NMT2: variants seen among roughly 807,000 people sequenced by gnomAD.
NMT2 encodes the protein N-myristoyltransferase 2.
A neutral mutation model predicts 65.4 loss-of-function variants in NMT2; 35 were observed. The observed-to-expected ratio is 0.54, with a 90% CI of 0.41 to 0.71. The LOEUF is 0.71. Among genes scored for constraint, NMT2 ranks in the 30% least tolerant of loss-of-function variants. The pLI is 0.00. For synonymous variants in NMT2, 226 were observed against 231.8 expected (o/e 0.98, Z 0.23); for missense variants, 489 against 611.3 (o/e 0.80, Z 2.11).
chr10:15,148,630 G>A, intron 1 of NMT2, among the ~76,000 whole-genome samples: 1 of 152,200 alleles, frequency 6.6e-6, no homozygotes, highest in East Asian at 1.9e-4. Context: ...TATTATGATT[G>A]TACTGCTTTA....
chr10:15,118,431 C>T (rs1355749462), intron 9 of NMT2, among the ~76,000 whole-genome samples: 4 of 152,058 alleles, frequency 2.6e-5, no homozygotes, highest in Admixed American at 1.3e-4. Flanking sequence ...CCCAGCTACT[C>T]GGGAGGCGGA....
chr10:15,168,554 T>C lies in NMT2; in HGVS notation c.59A>G (p.Asp20Gly). The part of the protein sequence containing the change: ...SQQSLELDDQ[D>G]TCGIDGDNEE... The stretch of plus-strand genomic sequence containing the variant: ...ATTGTCCCCGTCTATCCCGCACGTG[T>C]CCTGGTCGTCCAGTTCCAGGCTCTG... The change falls in exon 1 of 12, where the codon GAC becomes GGC. Residue 20 changes from aspartate to glycine, a missense_variant. Transcript: ENST00000378165. 1 of 1,594,384 alleles carries C rather than the reference T, an allele frequency of 6.3e-7. No homozygotes were observed. The highest frequency in any genetic ancestry group is 8.5e-7 in the Non-Finnish European group (1 of 1,172,960).
At chr10:15,113,041 C>A in intron 9 of NMT2, 78 bp from the exon 10 acceptor site, 1 of 1,423,646 alleles carries the variant, frequency 7.0e-7, no homozygotes, top group Non-Finnish European at 9.8e-7. Flanking sequence ...TCTGTTCTCT[C>A]CCTTGCCCCA....
At chr10:15,120,698 G>C (rs997096748) in intron 8 of NMT2, among the ~76,000 whole-genome samples, 1 of 152,132 alleles carries the variant, frequency 6.6e-6, no homozygotes, top group East Asian at 1.9e-4. Context: ...TGGTGATTTT[G>C]TTCTCTTGAA....
At chr10:15,151,924 G>A (rs1212363787) in intron 1 of NMT2, among the ~76,000 whole-genome samples, 1 of 152,246 alleles carries the variant, frequency 6.6e-6, no homozygotes. Flanking sequence ...TACTCGGGAG[G>A]CTGAGGCAGG....
chr10:15,168,538 G>C lies in NMT2; in HGVS notation c.75C>G (p.Asp25Glu). 6.3e-7 allele frequency: 1 copy of C among 1,593,244 alleles called. No homozygotes were observed. The highest frequency in any genetic ancestry group is 8.5e-7 in the Non-Finnish European group (1 of 1,172,228). The change falls in exon 1 of 12, where the codon GAC (aspartate) becomes GAG (glutamate). Residue 25 changes from aspartate (D) to glutamate (E), a missense_variant. By Grantham distance (45) the Asp-to-Glu change is conservative (BLOSUM62 2). Coordinates refer to ENST00000378165, the MANE Select transcript of NMT2 (RefSeq NM_004808.3). ...GCTCCGTCTCCTCCTCATTGTCCCC[G>C]TCTATCCCGCACGTGTCCTGGTCGT... ...ELDDQDTCGI[D>E]GDNEEETEHA... is the part of the protein sequence containing the mutation.
chr10:15,117,219 T>G (rs72776103), intron 9 of NMT2, among the ~76,000 whole-genome samples: 1 of 152,202 alleles, frequency 6.6e-6, no homozygotes, highest in African/African-American at 2.4e-5. Context: ...GGATATTTTC[T>G]AGGAATGTAA....
chr10:15,135,602 G>GT (rs1195316509), intron 2 of NMT2, among the ~76,000 whole-genome samples, 184 bp from the exon 3 acceptor site: 1 of 152,160 alleles, frequency 6.6e-6, no homozygotes, highest in East Asian at 1.9e-4. Flanking sequence ...TCTGTTAAAG[G>GT]TAACAACAGT....
intron 1 of NMT2, among the ~76,000 whole-genome samples, chr10:15,154,109 G>T (rs774894640): frequency 6.6e-6 from 1 of 152,204 alleles, no homozygotes; most frequent in Non-Finnish European, 1.5e-5. Context: ...AGCAGGGCTG[G>T]CTCCCTCTGT....
intron 2 of NMT2, among the ~76,000 whole-genome samples, chr10:15,140,763 G>A (rs1846724675): frequency 6.6e-6 from 1 of 152,136 alleles, no homozygotes; most frequent in South Asian, 2.1e-4. Context: ...GGGTGCCTGG[G>A]GGTTGGCTCC....
At chr10:15,145,900 C>G (rs1213970620) in intron 1 of NMT2, among the ~76,000 whole-genome samples, 1 of 152,074 alleles carries the variant, frequency 6.6e-6, no homozygotes, top group Non-Finnish European at 1.5e-5. Flanking sequence ...TGCCCCCGTG[C>G]CTGGGTGGGA....
chr10:15,109,462 T>C (rs1244091618), intron 11 of NMT2, among the ~76,000 whole-genome samples: 2 of 152,224 alleles, frequency 1.3e-5, no homozygotes, highest in African/African-American at 4.8e-5. Context: ...TCCCAGCTAC[T>C]CGGGAGGCTG....
chr10:15,156,827 C>T (rs1052961196), intron 1 of NMT2, among the ~76,000 whole-genome samples: 4 of 151,514 alleles, frequency 2.6e-5, no homozygotes, highest in Admixed American at 6.6e-5. Context: ...ACCCGGGAGG[C>T]GGAGGTTGCA....
intron 1 of NMT2, among the ~76,000 whole-genome samples, chr10:15,163,097 G>A (rs770528362): frequency 1.1e-4 from 17 of 151,836 alleles, no homozygotes; most frequent in Non-Finnish European, 2.4e-4. Flanking sequence ...TTATTTCATC[G>A]AGATAGGGTC....
At chr10:15,124,679 A>G (rs1218228470) in intron 8 of NMT2, among the ~76,000 whole-genome samples, 5 of 152,206 alleles carry the variant, frequency 3.3e-5, no homozygotes, top group African/African-American at 1.2e-4. Flanking sequence ...GACTGCTAGC[A>G]GTGGTATCAC....
intron 1 of NMT2, among the ~76,000 whole-genome samples, chr10:15,142,421 G>C (rs56154448): frequency 0.033 from 5,088 of 152,258 alleles, 137 homozygotes; most frequent in African/African-American, 0.072. Flanking sequence ...AATTAGCCAG[G>C]TACAGTGGCA....
intron 1 of NMT2, among the ~76,000 whole-genome samples, chr10:15,154,172 C>G (rs554945393): frequency 5.3e-4 from 80 of 152,226 alleles, no homozygotes; most frequent in Non-Finnish European, 1.0e-3. Context: ...TGTGGGATGA[C>G]TTCCTACCAC....
chr10:15,106,013 G>C lies in NMT2; in HGVS notation c.*3182C>G, dbSNP rs148284021. On this transcript the variant is annotated 3_prime_UTR_variant, in exon 12 of 12. Coordinates refer to ENST00000378165, the MANE Select transcript of NMT2 (RefSeq NM_004808.3). The stretch of plus-strand genomic sequence containing the variant: ...TGCTGCAGTTATTTATTTTACTTTC[G>C]AGATAGAGTCTCACTCTGTTGCCCA... 1 of 416,862 alleles carries C rather than the reference G, an allele frequency of 2.4e-6. No individual in the cohort carries two copies. Among genetic ancestry groups the C allele is most frequent in the Non-Finnish European group, 4.7e-6 (1 of 211,950 alleles). 25.8% of individuals were successfully genotyped at this position (416,862 alleles called of 1,614,324 possible). A position where few individuals can be genotyped will look rare whatever the true frequency, so the allele number is the denominator to read the frequency against.
intron 2 of NMT2, among the ~76,000 whole-genome samples, chr10:15,135,940 G>C (rs557408518): frequency 6.6e-6 from 1 of 151,834 alleles, no homozygotes; most frequent in African/African-American, 2.4e-5. Flanking sequence ...GAAAGAAAGA[G>C]AGAGGATCGG....
Sources: gnomAD v4.1 joint callset for allele counts (sites outside exome capture counted in the v4.1 genomes callset) on GRCh38, gnomAD v4.1.1 for gene constraint, MANE v1.5 for transcripts, NCBI Gene and HGNC (gene_info 2026-07-23, HGNC 2026-07-21) for gene names.